Variants in EPHA5 observed in about 807,000 individuals in gnomAD.
The protein encoded by EPHA5 is ephrin type-A receptor 5.
A neutral mutation model predicts 105.0 loss-of-function variants in EPHA5; 60 were observed. The observed-to-expected ratio is 0.57, with a 90% CI of 0.46 to 0.71. EPHA5 has a LOEUF of 0.71. Among genes scored for constraint, EPHA5 ranks in the 30% least tolerant of loss-of-function variants. The pLI is 0.00. For missense variants in EPHA5, 1,218 were observed against 1,274.7 expected (o/e 0.96, Z 0.68); for synonymous variants, 513 against 449.1 (o/e 1.14, Z -1.80).
intron 2 of EPHA5, among the ~76,000 whole-genome samples, chr4:65,616,857 A>G (rs1745284150): frequency 6.6e-6 from 1 of 152,132 alleles, no homozygotes; most frequent in Admixed American, 6.5e-5. Flanking sequence ...CATAGAAAAC[A>G]AATGTTCTTT....
At chr4:65,595,772 A>C (rs968276721) in intron 3 of EPHA5, among the ~76,000 whole-genome samples, 1 of 151,968 alleles carries the variant, frequency 6.6e-6, no homozygotes, top group East Asian at 2.0e-4. Flanking sequence ...ACTAGAGACG[A>C]GGTTTCACCA....
At chr4:65,625,930 T>G (rs1042252286) in intron 2 of EPHA5, among the ~76,000 whole-genome samples, 13 of 151,944 alleles carry the variant, frequency 8.6e-5, no homozygotes, top group Admixed American at 7.2e-4. Context: ...AAACCCCGTC[T>G]CTACTAAAAA....
intron 2 of EPHA5, among the ~76,000 whole-genome samples, chr4:65,619,373 C>A (rs192412528): frequency 1.3e-5 from 2 of 152,160 alleles, no homozygotes; most frequent in Admixed American, 1.3e-4. Flanking sequence ...TATAGGCATA[C>A]ACATACATTT....
intron 3 of EPHA5, among the ~76,000 whole-genome samples, chr4:65,506,184 C>A (rs374205593): frequency 9.9e-5 from 15 of 152,102 alleles, no homozygotes; most frequent in South Asian, 4.2e-4. Flanking sequence ...TGAACTCATC[C>A]TTTTTTATGG....
At chr4:65,492,742 A>G (rs1277632528) in intron 4 of EPHA5, among the ~76,000 whole-genome samples, 1 of 152,136 alleles carries the variant, frequency 6.6e-6, no homozygotes, top group African/African-American at 2.4e-5. Flanking sequence ...CAGTGCTGCA[A>G]TAAACATACT....
chr4:65,465,515 G>GA (rs1412898341), intron 5 of EPHA5, among the ~76,000 whole-genome samples: 3 of 96,860 alleles, frequency 3.1e-5, no homozygotes. Flanking sequence ...AAGAAAGAAA[G>GA]AAAGAAAGAA....
At chr4:65,479,617 T>C (rs1730157781) in intron 5 of EPHA5, among the ~76,000 whole-genome samples, 1 of 152,154 alleles carries the variant, frequency 6.6e-6, no homozygotes, top group South Asian at 2.1e-4. Flanking sequence ...TTAAAATGAC[T>C]GTATCAGGGC....
At chr4:65,394,691 A>C (rs1372700091) in intron 8 of EPHA5, among the ~76,000 whole-genome samples, 1 of 152,184 alleles carries the variant, frequency 6.6e-6, no homozygotes, top group African/African-American at 2.4e-5. Context: ...GACCATTCTT[A>C]CAATTTTTAA....
intron 3 of EPHA5, among the ~76,000 whole-genome samples, chr4:65,520,651 A>T (rs1006521347): frequency 5.9e-5 from 9 of 152,196 alleles, no homozygotes; most frequent in Non-Finnish European, 1.2e-4. Context: ...TAATATCCAG[A>T]ATCTACAAAG....
intron 5 of EPHA5, among the ~76,000 whole-genome samples, chr4:65,465,536 G>A (rs1415134314): frequency 1.7e-4 from 12 of 69,216 alleles, no homozygotes; most frequent in African/African-American, 7.6e-4. Flanking sequence ...AGAAAAGAAA[G>A]GAAAGGAAGG....
At chr4:65,333,783 A>G (rs1720916609) in intron 15 of EPHA5, among the ~76,000 whole-genome samples, 1 of 151,508 alleles carries the variant, frequency 6.6e-6, no homozygotes, top group African/African-American at 2.4e-5. Flanking sequence ...AGATTCTTCT[A>G]TATCCATATG....
At chr4:65,459,584 A>G (rs902085717) in intron 5 of EPHA5, among the ~76,000 whole-genome samples, 3 of 151,816 alleles carry the variant, frequency 2.0e-5, no homozygotes, top group African/African-American at 7.2e-5. Flanking sequence ...CTAAGGCATG[A>G]TTACTGTCAA....
At chr4:65,478,323 G>A (rs978959392) in intron 5 of EPHA5, among the ~76,000 whole-genome samples, 2 of 152,042 alleles carry the variant, frequency 1.3e-5, no homozygotes, top group East Asian at 3.9e-4. Flanking sequence ...AAACTTCAAT[G>A]ATTTATCAAA....
chr4:65,506,349 C>T (rs1027007398), intron 3 of EPHA5, among the ~76,000 whole-genome samples: 2 of 147,536 alleles, frequency 1.4e-5, no homozygotes, highest in African/African-American at 5.0e-5. Flanking sequence ...ATTTATAATC[C>T]TTTGGGTATA....
intron 3 of EPHA5, among the ~76,000 whole-genome samples, chr4:65,568,668 A>G (rs1294877974): frequency 6.6e-6 from 1 of 151,036 alleles, no homozygotes; most frequent in Non-Finnish European, 1.5e-5. Context: ...TTTAGGAAGT[A>G]CTTGTCTTGA....
At chr4:65,395,164 T>G (rs191671348) in intron 8 of EPHA5, among the ~76,000 whole-genome samples, 41 of 152,348 alleles carry the variant, frequency 2.7e-4, no homozygotes, top group African/African-American at 9.4e-4. Flanking sequence ...AGATACTTCT[T>G]GAATTAATGA....
chr4:65,464,437 A>G (rs1560565531), intron 5 of EPHA5, among the ~76,000 whole-genome samples: 2 of 152,132 alleles, frequency 1.3e-5, no homozygotes, highest in East Asian at 1.9e-4. Flanking sequence ...AAGGCACTCA[A>G]TTAACCTACT....
chr4:65,324,146 C>T lies in EPHA5; in HGVS notation c.3019G>A (p.Val1007Met), dbSNP rs1719858274. Reference protein sequence around the residue: ...KIMNSLQEMKVQLVNGMVPL With the variant: ...KIMNSLQEMKMQLVNGMVPL ...GGCACCATTCCGTTTACCAGCTGCA[C>T]CTTCATTTCTTGAAGGCTGTTCATG... Residue 1007 changes from valine (V) to methionine (M), a missense_variant, in exon 17 of 17, where the codon GTG becomes ATG. This residue lies in a region of EPHA5 where 971 missense variants were observed against 1,013.5 expected (regional missense o/e 0.96). Coordinates refer to ENST00000613740, the MANE Select transcript of EPHA5 (RefSeq NM_001281766.3). 16 of 1,609,258 alleles carry T rather than the reference C, an allele frequency of 9.9e-6. No homozygotes were observed. The highest frequency in any genetic ancestry group is 1.4e-5 in the Non-Finnish European group (16 of 1,176,922).
rs141453222 is a variant in EPHA5, at chr4:65,339,047, A to G, written c.2596-2922T>C. ...AAGCTGGCACCAGTTCAGATGTGCT[A>G]TATCTGAAATAGTATAATATGCTAT... On this transcript the variant is annotated intron_variant, in intron 14 of 16. Transcript: ENST00000613740. Among the ~76,000 whole-genome samples, 54 of 152,294 alleles carry G rather than the reference A, an allele frequency of 3.5e-4. 1 individual carries two copies. Among genetic ancestry groups the G allele is most frequent in the African/African-American group, 1.3e-3 (52 of 41,576 alleles).
Sources: gnomAD v4.1 joint callset for allele counts (sites outside exome capture counted in the v4.1 genomes callset) on GRCh38, gnomAD v4.1.1 for gene constraint, gnomAD v4.1.1 regional missense constraint, MANE v1.5 for transcripts, NCBI Gene and HGNC (gene_info 2026-07-23, HGNC 2026-07-21) for gene names.